PCDHGB1: variants seen among roughly 807,000 people sequenced by gnomAD.
PCDHGB1 encodes the protein protocadherin gamma subfamily B, 1.
In PCDHGB1, 34 loss-of-function variants were observed where a neutral mutation model predicts 56.6. The ratio of observed to expected loss-of-function variants is 0.60; its 90% CI spans 0.46 to 0.80. The LOEUF (loss-of-function observed/expected upper bound fraction) is 0.80, where lower values mean the gene tolerates loss of function less well. PCDHGB1 is among the 30% of genes least tolerant of loss of function. The pLI is 0.00. For missense variants in PCDHGB1, 1,278 were observed against 1,204.6 expected (o/e 1.06, Z -0.90); for synonymous variants, 561 against 505.9 (o/e 1.11, Z -1.46).
At chr5:141,461,456 T>C (rs12186717) in intron 1 of PCDHGB1, among the ~76,000 whole-genome samples, 42,391 of 152,030 alleles carry the variant, frequency 0.28, 6,631 homozygotes, top group African/African-American at 0.43. Context: ...AATGGCTATT[T>C]GTGTCCTTTG....
chr5:141,494,074 C>A (rs2099751716), intron 1 of PCDHGB1, among the ~76,000 whole-genome samples: 1 of 152,180 alleles, frequency 6.6e-6, no homozygotes, highest in Non-Finnish European at 1.5e-5. Context: ...GGATCCCTCC[C>A]CGCTGCATCC....
chr5:141,488,751 C>T (rs1185515068), intron 1 of PCDHGB1, among the ~76,000 whole-genome samples: 1 of 152,154 alleles, frequency 6.6e-6, no homozygotes, highest in Non-Finnish European at 1.5e-5. Context: ...CAGGAAGTTG[C>T]TGGGACAGAA....
In PCDHGB1 at chr5:141,414,957, G is replaced by C. The variant is rs550492051; in HGVS notation, c.2409+62288G>C. 9.2e-5 allele frequency: 148 copies of C among 1,614,018 alleles called. No homozygotes were observed. Among genetic ancestry groups the C allele is most frequent in the Non-Finnish European group, 1.2e-4 (144 of 1,180,044 alleles). ...CAGAGCCCGGCTACCTGGTGACCAA[G>C]GTGGTGGCGGTGGACAGAGACTCCG... is the stretch of plus-strand genomic sequence containing the variant. On this transcript the variant is annotated intron_variant, in intron 1 of 3. Coordinates refer to ENST00000523390, the MANE Select transcript of PCDHGB1 (RefSeq NM_018922.3).
chr5:141,423,766 C>A, intron 1 of PCDHGB1: 1 of 1,110,086 alleles, frequency 9.0e-7, no homozygotes, highest in Non-Finnish European at 1.1e-6. Context: ...GGGGGTGGGG[C>A]GGCATATATT....
In PCDHGB1 at chr5:141,511,318, A is replaced by C; in HGVS notation, c.*145A>C. 2 of 1,476,400 alleles carry C rather than the reference A, an allele frequency of 1.4e-6. No homozygotes were observed. Among genetic ancestry groups the C allele is most frequent in the South Asian group, 2.7e-5 (2 of 72,796 alleles). 91.5% of individuals were successfully genotyped at this position (1,476,400 alleles called of 1,614,324 possible). On this transcript the variant is annotated 3_prime_UTR_variant, in exon 4 of 4. Transcript: ENST00000523390. The stretch of plus-strand genomic sequence containing the variant: ...GCCATGCTCCCCTTGGGAAACAGAA[A>C]CAAGTGCCCAGTCAGCACCTACCCC...
intron 1 of PCDHGB1, chr5:141,404,086 G>A: frequency 6.2e-7 from 1 of 1,613,630 alleles, no homozygotes; most frequent in Non-Finnish European, 8.5e-7. Flanking sequence ...ACTCCGGGAA[G>A]AATGGTCAAG....
At chr5:141,370,318 C>G (rs1295080631) in intron 1 of PCDHGB1, 15 of 1,325,178 alleles carry the variant, frequency 1.1e-5, no homozygotes, top group African/African-American at 1.5e-5. Flanking sequence ...AATAGTTGGT[C>G]CTGCTCGGAG....
Position 141,494,855 on chromosome 5 carries a change from G to A in PCDHGB1, c.2458G>A (p.Gly820Ser), listed in dbSNP as rs200418116. The A allele has an allele frequency of 4.8e-4, 774 of 1,614,092 alleles. 7 individuals carry two copies. The South Asian group carries it at 5.1e-3, about 11-fold the overall frequency. ...GCGTTTCTCTCAGGCCCAGAGACCC[G>A]GCACCAGCGGGTAGGTGACTGATTC... is the stretch of plus-strand genomic sequence containing the variant. ...DWRFSQAQRP[G>S]TSGSQNGDDT... Residue 820 changes from glycine (G) to serine (S), a missense_variant, in exon 2 of 4, where the codon GGC becomes AGC. Coordinates refer to ENST00000523390, the MANE Select transcript of PCDHGB1 (RefSeq NM_018922.3).
chr5:141,351,350 C>G lies in PCDHGB1; in HGVS notation c.1090C>G (p.Leu364Val). The change falls in exon 1 of 4, where the codon CTC becomes GTC. Residue 364 changes from leucine to valine, a missense_variant. Transcript: ENST00000523390. ...EDSDLGTVIA[L>V]IKVRDKDSGQ... ...TTCAGACCTTGGAACTGTAATAGCC[C>G]TCATAAAAGTGCGAGACAAGGATTC... 6.2e-7 allele frequency: 1 copy of G among 1,613,300 alleles called. No individual in the cohort carries two copies. The highest frequency in any genetic ancestry group is 8.5e-7 in the Non-Finnish European group (1 of 1,179,558).
chr5:141,420,918 C>T (rs2096532512), intron 1 of PCDHGB1: 1 of 331,946 alleles, frequency 3.0e-6, no homozygotes, highest in South Asian at 6.4e-5. Flanking sequence ...GTGTGATTCA[C>T]AAAGGTGAGC....
At chr5:141,364,096 G>A in intron 1 of PCDHGB1, 1 of 400,034 alleles carries the variant, frequency 2.5e-6, no homozygotes, top group Non-Finnish European at 4.4e-6. Context: ...GGAATTTGAT[G>A]CAGTCACTGG....
At chr5:141,483,955 G>A (rs1244162791) in intron 1 of PCDHGB1, among the ~76,000 whole-genome samples, 1 of 144,218 alleles carries the variant, frequency 6.9e-6, no homozygotes, top group African/African-American at 2.6e-5. Flanking sequence ...ATTGTGTTGT[G>A]TTTCTGTGCT....
At chr5:141,415,015 A>C (rs2095814085) in intron 1 of PCDHGB1, 1 of 1,613,598 alleles carries the variant, frequency 6.2e-7, no homozygotes, top group East Asian at 2.2e-5. Flanking sequence ...CCGTCTGCTC[A>C]AGGCCAGCGA....
chr5:141,393,056 C>T, intron 1 of PCDHGB1: 2 of 1,613,606 alleles, frequency 1.2e-6, no homozygotes, highest in Non-Finnish European at 1.7e-6. Flanking sequence ...ACCCGCGCAG[C>T]GGCAGCTTGA....
intron 1 of PCDHGB1, chr5:141,414,831 G>A (rs1230752323): frequency 1.9e-6 from 3 of 1,614,212 alleles, no homozygotes; most frequent in Admixed American, 1.7e-5. Flanking sequence ...ACGTGTCGTT[G>A]AGCCTGTTTG....
At position 141,363,034 on chromosome 5, in the gene PCDHGB1, A is replaced by T. The variant is rs1762782534; in HGVS notation, c.2409+10365A>T. On this transcript the variant is annotated intron_variant, in intron 1 of 3. Coordinates refer to ENST00000523390, the MANE Select transcript of PCDHGB1 (RefSeq NM_018922.3). ...GCATGGGTAGGACATTGTCCCATTG[A>T]CTTGAAGACCAACACTCAGTAAGCT... Among the ~76,000 whole-genome samples, 3 of 152,256 alleles carry T rather than the reference A, an allele frequency of 2.0e-5. No individual in the cohort carries two copies. In the South Asian group the frequency reaches 6.2e-4, roughly 31 times the overall value.
At position 141,511,575 on chromosome 5, in the gene PCDHGB1, T is replaced by C. The variant is rs930675653; in HGVS notation, c.*402T>C. On this transcript the variant is annotated 3_prime_UTR_variant, in exon 4 of 4. Transcript: ENST00000523390. ...AGTTCCTCTTTCCCGAGTAAGGTGG[T>C]TGGGGTGTTGAAGTACCAAGTAACC... 28 of 287,258 alleles carry C rather than the reference T, an allele frequency of 9.7e-5. No individual in the cohort carries two copies. Among genetic ancestry groups the C allele is most frequent in the Middle Eastern group, 1.3e-3 (1 of 784 alleles). The allele number at this position is 287,258 out of a possible 1,614,324, so 17.8% of individuals were successfully genotyped here.
rs1425295626 is a variant in PCDHGB1 at position 141,477,940 on chromosome 5, C to T, written c.2410-16867C>T. On this transcript the variant is annotated intron_variant, in intron 1 of 3. Coordinates refer to ENST00000523390, the MANE Select transcript of PCDHGB1 (RefSeq NM_018922.3). This position sits in a 1 kb window ranked among gnomAD's most constrained non-coding sequence, Gnocchi z 4.9. ...CAGGGCACAATGCCTGGCTCTCCTA[C>T]AGTCTCTTGGGATCCCCTAACCAGA... The T allele has an allele frequency of 6.2e-7, 1 of 1,614,178 alleles. No homozygotes were observed. Among genetic ancestry groups the T allele is most frequent in the South Asian group, 1.1e-5 (1 of 91,084 alleles).
intron 1 of PCDHGB1, 157 bp from the exon 2 acceptor site, chr5:141,494,645 GTGTAT>G: frequency 1.1e-6 from 1 of 935,948 alleles, no homozygotes; most frequent in Non-Finnish European, 1.3e-6. Context: ...GAGACCTGAG[GTGTAT>G]TTTGTCTTTG....
Sources: gnomAD v4.1 joint callset for allele counts (sites outside exome capture counted in the v4.1 genomes callset) on GRCh38, gnomAD v4.1.1 for gene constraint, Gnocchi (gnomAD v3.1) non-coding constraint, MANE v1.5 for transcripts, NCBI Gene and HGNC (gene_info 2026-07-23, HGNC 2026-07-21) for gene names.